UTRN: variants seen among roughly 807,000 people sequenced by gnomAD.
The protein encoded by UTRN is dystrophin-related protein 1.
Under a neutral mutation model 463.9 loss-of-function variants are expected in UTRN, and 283 were observed. The ratio of observed to expected loss-of-function variants is 0.61; its 90% confidence interval spans 0.55 to 0.67. UTRN has a LOEUF of 0.67. Ranked by LOEUF, UTRN falls within the 30% of genes least tolerant of loss-of-function variation. UTRN has a pLI of 0.00. For missense variants in UTRN, 3,922 were observed against 4,084.3 expected (o/e 0.96, Z 1.08); for synonymous variants, 1,442 against 1,431.5 (o/e 1.01, Z -0.17).
rs574686809 is a variant in UTRN at position 144,736,791 on chromosome 6, T to TC, written c.7939+6306dup. 4.5e-4 allele frequency among the ~76,000 whole-genome samples: 69 copies of TC among 152,308 alleles called. No individual in the cohort carries two copies. The East Asian group carries it at 0.013, about 29-fold the overall frequency. ...ATCCGGCCCCACCTTGTGCCTCTCT[T>TC]CACTCCACTCTTGAGGTTTGCTGGG... On this transcript the variant is annotated intron_variant, in intron 54 of 74. Coordinates refer to ENST00000367545, the MANE Select transcript of UTRN (RefSeq NM_007124.3).
At chr6:144,411,380 G>A (rs1017276916) in intron 3 of UTRN, among the ~76,000 whole-genome samples, 1 of 152,030 alleles carries the variant, frequency 6.6e-6, no homozygotes, top group East Asian at 1.9e-4. Flanking sequence ...GTCCATTCAT[G>A]TCCTTAGCCC....
rs544483371 is a variant in UTRN, at chr6:144,371,462, A to C, written c.80-31661A>C. 2.0e-5 allele frequency among the ~76,000 whole-genome samples: 3 copies of C among 152,260 alleles called. No homozygotes were observed. The South Asian group carries it at 6.2e-4, about 32-fold the overall frequency. On this transcript the variant is annotated intron_variant, in intron 2 of 74. Transcript: ENST00000367545. ...GTTTCACTTTTGTTGCCCAGGCTGG[A>C]GTGCAATGGCGCAATCTCGGCTCAC...
rs1782555308 is a variant in UTRN at position 144,852,779 on chromosome 6, A to G, written c.*1782A>G. Reference sequence around the variant, plus strand: ...GGTGTCTTCCTTGTTCTTACTTTAAAAAGTCATGTGTTAATTTTTTTTCTG... The same window carrying G: ...GGTGTCTTCCTTGTTCTTACTTTAAGAAGTCATGTGTTAATTTTTTTTCTG... On this transcript the variant is annotated 3_prime_UTR_variant, in exon 75 of 75. Coordinates refer to ENST00000367545, the MANE Select transcript of UTRN (RefSeq NM_007124.3). 1 of 152,608 alleles carries G rather than the reference A, an allele frequency of 6.6e-6. No individual in the cohort carries two copies. Among genetic ancestry groups the G allele is most frequent in the Admixed American group, 6.5e-5 (1 of 15,268 alleles). 9.5% of individuals were successfully genotyped at this position (152,608 alleles called of 1,614,324 possible). A position where few individuals can be genotyped will look rare whatever the true frequency, so the allele number is the denominator to read the frequency against.
chr6:144,617,074 G>A (rs1169986511), intron 51 of UTRN, among the ~76,000 whole-genome samples: 1 of 152,068 alleles, frequency 6.6e-6, no homozygotes, highest in Admixed American at 6.6e-5. Flanking sequence ...ACTGTAGTTG[G>A]TTACATTCAG....
chr6:144,715,406 ACT>A (rs1348540143), intron 53 of UTRN, among the ~76,000 whole-genome samples: 1 of 151,768 alleles, frequency 6.6e-6, no homozygotes, highest in African/African-American at 2.4e-5. Flanking sequence ...AATAAATCAA[ACT>A]CTGTAGGGGC....
At chr6:144,775,976 T>C (rs1775289347) in intron 60 of UTRN, among the ~76,000 whole-genome samples, 1 of 152,212 alleles carries the variant, frequency 6.6e-6, no homozygotes, top group African/African-American at 2.4e-5. Context: ...AAATGACAGT[T>C]AGAAAAGGGC....
Position 144,542,789 on chromosome 6 carries a change from C to T in UTRN, c.6520-6C>T, listed in dbSNP as rs533892112. On this transcript the variant is annotated splice_polypyrimidine_tract_variant and splice_region_variant and intron_variant, in intron 45 of 74. Transcript: ENST00000367545. Reference sequence around the variant, plus strand: ...TCTTCTCTTTCTGTTTGTCCTGATGCGGTAGATTTGCAGAGAGGTGCCTAC... The same window carrying T: ...TCTTCTCTTTCTGTTTGTCCTGATGTGGTAGATTTGCAGAGAGGTGCCTAC... 32 of 1,612,282 alleles carry T rather than the reference C, an allele frequency of 2.0e-5. No homozygotes were observed. Among genetic ancestry groups the T allele is most frequent in the Middle Eastern group, 1.7e-4 (1 of 6,054 alleles).
In UTRN at chr6:144,847,032, T is replaced by G. The variant is rs9399507; in HGVS notation, c.10293+205T>G. ...CAAGCCACAGATACCAAAAATACCA[T>G]GTGTTTGATCCTTTGTGTTCTAACA... is the stretch of plus-strand genomic sequence containing the variant. On this transcript the variant is annotated intron_variant, in intron 74 of 74. Transcript: ENST00000367545. 0.087 allele frequency among the ~76,000 whole-genome samples: 13,266 copies of G among 152,254 alleles called. 795 individuals carry two copies. Among genetic ancestry groups the G allele is most frequent in the African/African-American group, 0.16 (6,753 of 41,534 alleles).
chr6:144,651,346 G>A (rs1187099358), intron 51 of UTRN, among the ~76,000 whole-genome samples: 1 of 152,124 alleles, frequency 6.6e-6, no homozygotes, highest in Admixed American at 6.5e-5. Flanking sequence ...TATAGTACTA[G>A]TGAATGTCTT....
At chr6:144,716,673 A>G (rs1194216595) in intron 53 of UTRN, among the ~76,000 whole-genome samples, 1 of 152,212 alleles carries the variant, frequency 6.6e-6, no homozygotes, top group Non-Finnish European at 1.5e-5. Flanking sequence ...AAACATGGCC[A>G]TAATTTTATC....
chr6:144,433,865 A>T (rs1230144028), intron 9 of UTRN, among the ~76,000 whole-genome samples: 1 of 137,072 alleles, frequency 7.3e-6, no homozygotes, highest in African/African-American at 2.8e-5. Context: ...CAGACTGGGC[A>T]GCCAGGCAGA....
At chr6:144,591,932 G>A (rs1433556552) in intron 51 of UTRN, among the ~76,000 whole-genome samples, 4 of 152,118 alleles carry the variant, frequency 2.6e-5, no homozygotes, top group Non-Finnish European at 4.4e-5. Flanking sequence ...TTATCTGATT[G>A]TGTATTTACT....
chr6:144,768,843 A>G (rs961211637), intron 58 of UTRN, among the ~76,000 whole-genome samples: 1 of 152,106 alleles, frequency 6.6e-6, no homozygotes, highest in Non-Finnish European at 1.5e-5. Flanking sequence ...TTCCCTGCAC[A>G]GGCAAAACTG....
chr6:144,679,039 T>C (rs1781945290), intron 52 of UTRN, among the ~76,000 whole-genome samples: 1 of 152,148 alleles, frequency 6.6e-6, no homozygotes, highest in African/African-American at 2.4e-5. Context: ...AGAGTTTGAA[T>C]CTAGATCTTT....
intron 2 of UTRN, among the ~76,000 whole-genome samples, chr6:144,373,471 T>C (rs943954058): frequency 2.0e-5 from 3 of 152,032 alleles, no homozygotes; most frequent in Non-Finnish European, 2.9e-5. Flanking sequence ...CACTGGAAAA[T>C]CCATAAAGAG....
chr6:144,550,332 G>A (rs1198833581), intron 47 of UTRN, among the ~76,000 whole-genome samples: 1 of 152,160 alleles, frequency 6.6e-6, no homozygotes, highest in African/African-American at 2.4e-5. Context: ...AAAGTCATTT[G>A]CCACTATTTG....
At chr6:144,290,175 C>T (rs1024025942) in intron 1 of UTRN, among the ~76,000 whole-genome samples, 1 of 152,156 alleles carries the variant, frequency 6.6e-6, no homozygotes, top group East Asian at 1.9e-4. Context: ...TGCAACAATA[C>T]CATAATTAAT....
intron 3 of UTRN, among the ~76,000 whole-genome samples, chr6:144,406,514 A>C (rs2114806024): frequency 6.6e-6 from 1 of 151,972 alleles, no homozygotes; most frequent in South Asian, 2.1e-4. Context: ...TTATGGGCGC[A>C]TGTCACCATG....
intron 2 of UTRN, 63 bp downstream of exon 2, chr6:144,291,970 G>A: frequency 6.6e-7 from 1 of 1,512,342 alleles, no homozygotes; most frequent in Non-Finnish European, 9.0e-7. Context: ...TATGTTTCTT[G>A]GATTGATTTG....
Sources: gnomAD v4.1 joint callset for allele counts (sites outside exome capture counted in the v4.1 genomes callset) on GRCh38, gnomAD v4.1.1 for gene constraint, MANE v1.5 for transcripts, NCBI Gene and HGNC (gene_info 2026-07-23, HGNC 2026-07-21) for gene names.